The following SUGCT variants were observed in gnomAD, a reference collection of about 807,000 sequenced individuals.
The protein encoded by SUGCT is succinyl-CoA:glutarate-CoA transferase.
Under a neutral mutation model 55.0 loss-of-function variants are expected in SUGCT, and 41 were observed. That is an observed-to-expected ratio of 0.74 (90% confidence interval 0.58 to 0.97). The LOEUF is 0.97. Among genes scored for constraint, SUGCT ranks in the 50% least tolerant of loss-of-function variants. SUGCT has a pLI of 0.00. For synonymous variants in SUGCT, 187 were observed against 200.4 expected, an observed-to-expected ratio of 0.93 and a Z score of 0.56; for missense variants, 568 against 547.8, an observed-to-expected ratio of 1.04 and a Z score of -0.37.
the SUGCT span, among the ~76,000 whole-genome samples, chr7:40,911,793 C>T: frequency 6.6e-6 from 1 of 151,976 alleles, no homozygotes; most frequent in Non-Finnish European, 1.5e-5. Context: ...TATAAAGGAA[C>T]CATGAAAAGC....
intron 12 of SUGCT, among the ~76,000 whole-genome samples, chr7:40,551,389 C>G (rs1225745785): frequency 6.6e-6 from 1 of 152,162 alleles, no homozygotes; most frequent in Non-Finnish European, 1.5e-5. Context: ...GGAATACTAT[C>G]CTCTGTAAAC....
intron 12 of SUGCT, among the ~76,000 whole-genome samples, chr7:40,692,652 C>T (rs1490725326): frequency 6.6e-6 from 1 of 152,138 alleles, no homozygotes; most frequent in Non-Finnish European, 1.5e-5. Flanking sequence ...GCCTGGCTTC[C>T]TGGGACACCG....
At chr7:40,962,627 G>A in the SUGCT span, among the ~76,000 whole-genome samples, 1 of 149,668 alleles carries the variant, frequency 6.7e-6, no homozygotes, top group Non-Finnish European at 1.5e-5. Flanking sequence ...AAAATGGAGA[G>A]TTTTGCTCAA....
the SUGCT span, among the ~76,000 whole-genome samples, chr7:40,886,551 G>C: frequency 6.6e-6 from 1 of 152,226 alleles, no homozygotes; most frequent in African/African-American, 2.4e-5. Flanking sequence ...AATGAATTGT[G>C]TGTGGATAGC....
chr7:40,441,473 A>G (rs1236929276), intron 9 of SUGCT, among the ~76,000 whole-genome samples: 3 of 152,168 alleles, frequency 2.0e-5, no homozygotes, highest in Non-Finnish European at 4.4e-5. Context: ...AAAACAAACT[A>G]AAAAAACCCC....
intron 12 of SUGCT, among the ~76,000 whole-genome samples, chr7:40,575,662 G>T (rs2151699410): frequency 6.6e-6 from 1 of 152,054 alleles, no homozygotes; most frequent in Non-Finnish European, 1.5e-5. Flanking sequence ...AGAGTTATCT[G>T]AGGCTGGGTG....
At chr7:41,036,292 T>A in the SUGCT span, among the ~76,000 whole-genome samples, 1 of 152,056 alleles carries the variant, frequency 6.6e-6, no homozygotes, top group African/African-American at 2.4e-5. Context: ...TTCGAGAAAA[T>A]TTTCATAGCT....
At chr7:40,879,082 G>A in the SUGCT span, among the ~76,000 whole-genome samples, 5 of 152,148 alleles carry the variant, frequency 3.3e-5, no homozygotes, top group South Asian at 2.1e-4. Context: ...ATGAACCACC[G>A]CGCCCAGCCC....
At chr7:40,274,425 T>A in intron 7 of SUGCT, 88 bp from the exon 8 acceptor site, 1 of 1,398,986 alleles carries the variant, frequency 7.1e-7, no homozygotes, top group Non-Finnish European at 9.8e-7. Context: ...CAATTCTTTT[T>A]TCTATTTCAC....
At chr7:40,758,716 C>T (rs149602158) in intron 13 of SUGCT, among the ~76,000 whole-genome samples, 330 of 152,162 alleles carry the variant, frequency 2.2e-3, no homozygotes, top group South Asian at 6.2e-3. Context: ...TAACAGTCAG[C>T]ATGTCTCAGT....
chr7:40,972,111 T>C, the SUGCT span, among the ~76,000 whole-genome samples: 2 of 152,202 alleles, frequency 1.3e-5, no homozygotes, highest in East Asian at 3.9e-4. Context: ...AAGTGGTTCA[T>C]CTATATATGT....
At chr7:40,756,554 A>G (rs1788261424) in intron 13 of SUGCT, among the ~76,000 whole-genome samples, 1 of 152,134 alleles carries the variant, frequency 6.6e-6, no homozygotes, top group African/African-American at 2.4e-5. Context: ...AAATTAGATC[A>G]TGTTTCTGAA....
intron 8 of SUGCT, among the ~76,000 whole-genome samples, chr7:40,288,637 C>T (rs546517630): frequency 6.6e-6 from 1 of 151,288 alleles, no homozygotes; most frequent in Non-Finnish European, 1.5e-5. Context: ...GTGCTTATTA[C>T]CGACACCTAT....
At chr7:40,250,253 A>G (rs1790276553) in intron 7 of SUGCT, among the ~76,000 whole-genome samples, 1 of 151,564 alleles carries the variant, frequency 6.6e-6, no homozygotes, top group Non-Finnish European at 1.5e-5. Context: ...CAAAAAAATT[A>G]GCGGGGCGTG....
chr7:40,490,485 T>C lies in SUGCT; in HGVS notation c.987-5799T>C, dbSNP rs548347093. Among the ~76,000 whole-genome samples the C allele has an allele frequency of 8.5e-5, 13 of 152,310 alleles. 1 individual carries two copies. The South Asian group carries it at 2.7e-3, about 32-fold the overall frequency. Reference sequence around the variant, plus strand: ...CAATTCACAGTGTGTGGTGCTGTTTTGGCTTGGGAGAGAAGTGACAGGGCC... The same window carrying C: ...CAATTCACAGTGTGTGGTGCTGTTTCGGCTTGGGAGAGAAGTGACAGGGCC... On this transcript the variant is annotated intron_variant, in intron 11 of 13. Coordinates refer to ENST00000335693, the MANE Select transcript of SUGCT (RefSeq NM_001193313.2).
chr7:40,695,698 AT>A (rs1361098755), intron 12 of SUGCT, among the ~76,000 whole-genome samples: 1 of 152,074 alleles, frequency 6.6e-6, no homozygotes, highest in South Asian at 2.1e-4. Flanking sequence ...TTAAGACAGA[AT>A]TTTTTAGTGT....
At chr7:40,958,173 T>C in the SUGCT span, among the ~76,000 whole-genome samples, 2 of 152,074 alleles carry the variant, frequency 1.3e-5, no homozygotes, top group African/African-American at 4.8e-5. Context: ...ATCTTTGTGG[T>C]GTTCTCTGTA....
At chr7:40,322,307 G>T (rs1273222384) in intron 9 of SUGCT, among the ~76,000 whole-genome samples, 1 of 152,130 alleles carries the variant, frequency 6.6e-6, no homozygotes, top group African/African-American at 2.4e-5. Flanking sequence ...CAAGAGCAAT[G>T]AATTTCTCTA....
the SUGCT span, among the ~76,000 whole-genome samples, chr7:41,029,429 T>C: frequency 5.3e-5 from 8 of 152,116 alleles, no homozygotes; most frequent in East Asian, 1.4e-3. Context: ...CCCCTCCACC[T>C]CTGTGGCTGG....
Sources: gnomAD v4.1 joint callset for allele counts (sites outside exome capture counted in the v4.1 genomes callset) on GRCh38, gnomAD v4.1.1 for gene constraint, MANE v1.5 for transcripts, NCBI Gene and HGNC (gene_info 2026-07-23, HGNC 2026-07-21) for gene names.